USP13: variants seen among roughly 807,000 people sequenced by gnomAD.
The protein encoded by USP13 is ubiquitin carboxyl-terminal hydrolase 13.
USP13 carries 68 observed loss-of-function variants against 107.8 expected under a neutral mutation model. The ratio of observed to expected loss-of-function variants is 0.63; its 90% CI spans 0.52 to 0.77. USP13 has a LOEUF of 0.77. Among genes scored for constraint, USP13 ranks in the 30% least tolerant of loss-of-function variants. The pLI, the probability that USP13 is intolerant of heterozygous loss-of-function variation, is 0.00. For missense variants in USP13, 945 were observed against 1,093.3 expected, an observed-to-expected ratio of 0.86 and a Z score of 1.91; for synonymous variants, 377 against 389.5, an observed-to-expected ratio of 0.97 and a Z score of 0.38.
intron 6 of USP13, among the ~76,000 whole-genome samples, chr3:179,712,571 G>C (rs1262599502): frequency 6.6e-6 from 1 of 151,652 alleles, no homozygotes; most frequent in African/African-American, 2.4e-5. Flanking sequence ...TTAACATTAT[G>C]TTTTTCTATG....
intron 8 of USP13, among the ~76,000 whole-genome samples, chr3:179,729,045 G>T (rs1270239770): frequency 1.3e-5 from 2 of 152,108 alleles, no homozygotes; most frequent in African/African-American, 4.8e-5. Flanking sequence ...CCAAACACTT[G>T]TTAAAGATGA....
rs573072069 is a variant in USP13, at chr3:179,661,756, A to C, written c.168+8363A>C. 3.3e-5 allele frequency among the ~76,000 whole-genome samples: 5 copies of C among 152,212 alleles called. No homozygotes were observed. In the East Asian group the frequency reaches 9.6e-4, roughly 29 times the overall value. ...TTTGCTAAGCTTCTCCCATCATTGCAGGGGCTGGCTCCTGGACATTGCATT... is the reference window on the plus strand; with the variant it reads ...TTTGCTAAGCTTCTCCCATCATTGCCGGGGCTGGCTCCTGGACATTGCATT... On this transcript the variant is annotated intron_variant, in intron 1 of 20. Coordinates refer to ENST00000263966, the MANE Select transcript of USP13 (RefSeq NM_003940.3).
intron 1 of USP13, among the ~76,000 whole-genome samples, chr3:179,656,798 T>C (rs147531519): frequency 1.8e-4 from 27 of 152,328 alleles, no homozygotes; most frequent in Non-Finnish European, 2.8e-4. Context: ...GTCTCTGCCT[T>C]TGAGTGCGAC....
Position 179,730,244 on chromosome 3 carries a change from G to T in USP13, c.1144G>T (p.Asp382Tyr). 1 of 1,611,254 alleles carries T rather than the reference G, an allele frequency of 6.2e-7. No homozygotes were observed. The highest frequency in any genetic ancestry group is 8.5e-7 in the Non-Finnish European group (1 of 1,179,456). Residue 382 changes from aspartate to tyrosine, a missense_variant, in exon 9 of 21, where the codon GAT becomes TAT. Coordinates refer to ENST00000263966, the MANE Select transcript of USP13 (RefSeq NM_003940.3). The part of the protein sequence containing the change: ...FDYSPLDPTQ[D>Y]FNTQMTKLGH... ...CTACTCGCCTTTAGATCCAACACAA[G>T]ATTTCAACACACAGATGTAAGTGCC...
At chr3:179,663,280 T>C (rs997642607) in intron 1 of USP13, among the ~76,000 whole-genome samples, 23 of 152,238 alleles carry the variant, frequency 1.5e-4, no homozygotes, top group Admixed American at 1.3e-3. Flanking sequence ...CTTGGCATAA[T>C]GTCCTCAAGG....
At position 179,697,353 on chromosome 3, in the gene USP13, G is replaced by A. The variant is rs137915458; in HGVS notation, c.356-3655G>A. Among the ~76,000 whole-genome samples, 6 of 152,266 alleles carry A rather than the reference G, an allele frequency of 3.9e-5. No homozygotes were observed. The South Asian group carries it at 8.3e-4, about 21-fold the overall frequency. On this transcript the variant is annotated intron_variant, in intron 3 of 20. Transcript: ENST00000263966. ...AGATTTTGCAGCCCTTGGACAGATCGCTTACCTCCAACAATTAAAGTTAAT... is the reference window on the plus strand; with the variant it reads ...AGATTTTGCAGCCCTTGGACAGATCACTTACCTCCAACAATTAAAGTTAAT...
At chr3:179,690,442 C>A in intron 3 of USP13, 141 bp downstream of exon 3, 1 of 711,222 alleles carries the variant, frequency 1.4e-6, no homozygotes, top group Non-Finnish European at 2.2e-6. Flanking sequence ...TTAAGGCCCG[C>A]CTCCACTTTG....
rs747766970 is a variant in USP13, at chr3:179,682,043, C to T, written c.294+40C>T. The stretch of plus-strand genomic sequence containing the variant: ...TTCAGAGAACTGGCCTTGATGTCTT[C>T]CCTGTAACGTTGTCTCAGTGTGCTT... On this transcript the variant is annotated intron_variant, in intron 2 of 20. Coordinates refer to ENST00000263966, the MANE Select transcript of USP13 (RefSeq NM_003940.3). The T allele has an allele frequency of 7.6e-6, 12 of 1,588,560 alleles. No homozygotes were observed. In the Admixed American group the frequency reaches 8.6e-5, roughly 11 times the overall value.
chr3:179,727,610 C>T (rs1384538935), intron 8 of USP13, among the ~76,000 whole-genome samples: 2 of 102,402 alleles, frequency 2.0e-5, no homozygotes, highest in Middle Eastern at 4.6e-3. Context: ...CAATCTTTTC[C>T]CCACCCTTCC....
At chr3:179,780,074 A>T (rs1715691919) in intron 19 of USP13, among the ~76,000 whole-genome samples, 1 of 152,214 alleles carries the variant, frequency 6.6e-6, no homozygotes, top group African/African-American at 2.4e-5. Context: ...AATGGAAGAG[A>T]TCTTCCTCAA....
intron 13 of USP13, among the ~76,000 whole-genome samples, chr3:179,751,037 A>G (rs1401251188): frequency 6.6e-6 from 1 of 152,186 alleles, no homozygotes; most frequent in African/African-American, 2.4e-5. Flanking sequence ...ATAGGGGAGG[A>G]TATTCTAGAA....
At chr3:179,656,681 C>G (rs189910581) in intron 1 of USP13, among the ~76,000 whole-genome samples, 1 of 152,294 alleles carries the variant, frequency 6.6e-6, no homozygotes, top group Admixed American at 6.5e-5. Context: ...AGCTTCTTTT[C>G]AAGACTGAAT....
At chr3:179,702,500 A>G (rs930863556) in intron 4 of USP13, among the ~76,000 whole-genome samples, 5 of 152,164 alleles carry the variant, frequency 3.3e-5, no homozygotes, top group African/African-American at 1.2e-4. Context: ...TGGACGTTGC[A>G]TGACTCTCTC....
At chr3:179,730,056 A>T (rs1713743182) in intron 8 of USP13, 133 bp from the exon 9 acceptor site, 1 of 768,430 alleles carries the variant, frequency 1.3e-6, no homozygotes, top group Non-Finnish European at 2.1e-6. Flanking sequence ...GAATCTCATG[A>T]AAAACTTTTC....
chr3:179,694,009 T>C (rs1712200665), intron 3 of USP13, among the ~76,000 whole-genome samples: 1 of 151,800 alleles, frequency 6.6e-6, no homozygotes, highest in Non-Finnish European at 1.5e-5. Context: ...TCTCACTGTG[T>C]CACTCAGGCT....
At chr3:179,769,044 A>C (rs1441831268) in intron 19 of USP13, among the ~76,000 whole-genome samples, 1 of 152,222 alleles carries the variant, frequency 6.6e-6, no homozygotes, top group Non-Finnish European at 1.5e-5. Context: ...TGTTTTGTTT[A>C]TATTCTCTAG....
chr3:179,753,047 A>G (rs1714666436), intron 14 of USP13, among the ~76,000 whole-genome samples: 1 of 152,214 alleles, frequency 6.6e-6, no homozygotes, highest in South Asian at 2.1e-4. Context: ...GATCTAATAC[A>G]AAGGGTGTTA....
At chr3:179,728,538 T>C (rs1178351682) in intron 8 of USP13, among the ~76,000 whole-genome samples, 1 of 142,228 alleles carries the variant, frequency 7.0e-6, no homozygotes, top group Non-Finnish European at 1.5e-5. Context: ...TCCCAGACGA[T>C]GGGCGGCCAG....
chr3:179,764,276 G>A lies in USP13; in HGVS notation c.2259+108G>A. ...ACTTTGATCATTTTGATTCATGTTT[G>A]ATTCATCTAACTGTGAATCTCATCA... On this transcript the variant is annotated intron_variant, in intron 18 of 20. Transcript: ENST00000263966. 2.1e-6 allele frequency: 3 copies of A among 1,425,800 alleles called. No individual in the cohort carries two copies. The South Asian group carries it at 5.2e-5, about 25-fold the overall frequency. The allele number at this position is 1,425,800 out of a possible 1,614,324, so 88.3% of individuals were successfully genotyped here.
Sources: allele counts gnomAD v4.1 joint callset (sites outside exome capture counted in the v4.1 genomes callset), GRCh38; gene constraint gnomAD v4.1.1; transcripts MANE v1.5; gene names NCBI Gene and HGNC (gene_info 2026-07-23, HGNC 2026-07-21).